The following CCDC192 variants were observed in gnomAD, a reference collection of about 807,000 sequenced individuals.
CCDC192 encodes the protein coiled-coil domain-containing protein 192.
In CCDC192 at chr5:127,734,089, A is replaced by G. The variant is rs1415423558; in HGVS notation, c.115-20179A>G. On this transcript the variant is annotated intron_variant, in intron 2 of 6. Coordinates refer to ENST00000514853, the MANE Select transcript of CCDC192 (RefSeq NM_001317938.2). ...TATCCCTCCTCCCTCCCCCCACCCC[A>G]CAACAGTCCCCAGAGTGTGATATTC... Among the ~76,000 whole-genome samples the G allele has an allele frequency of 2.1e-4, 16 of 75,870 alleles. 1 individual carries two copies. In the Admixed American group the frequency reaches 3.1e-3, roughly 15 times the overall value. The allele number at this position is 75,870 out of a possible 152,430, so 49.8% of individuals were successfully genotyped here.
chr5:127,848,862 T>C (rs1352063427), intron 5 of CCDC192, among the ~76,000 whole-genome samples: 2 of 152,194 alleles, frequency 1.3e-5, no homozygotes, highest in Non-Finnish European at 2.9e-5. Context: ...AAATTTTACA[T>C]TGAAGATAAA....
intron 5 of CCDC192, among the ~76,000 whole-genome samples, chr5:127,831,349 AGTG>A (rs1749785805): frequency 6.6e-6 from 1 of 151,616 alleles, no homozygotes; most frequent in African/African-American, 2.4e-5. Flanking sequence ...AATCTTCAAA[AGTG>A]TGTGTGTGTG....
intron 2 of CCDC192, among the ~76,000 whole-genome samples, chr5:127,750,874 T>C (rs1198182392): frequency 6.6e-6 from 1 of 151,462 alleles, no homozygotes; most frequent in East Asian, 1.9e-4. Context: ...TGTAATGGCC[T>C]TCTTTGTCTC....
chr5:127,876,916 C>T (rs1752105713), intron 6 of CCDC192, among the ~76,000 whole-genome samples: 1 of 152,104 alleles, frequency 6.6e-6, no homozygotes. Flanking sequence ...AATGAAACAA[C>T]ATAAAGGCAG....
intron 3 of CCDC192, among the ~76,000 whole-genome samples, chr5:127,755,599 TAAAC>T (rs1294018720): frequency 8.3e-6 from 1 of 120,192 alleles, no homozygotes; most frequent in African/African-American, 3.1e-5. Context: ...TTTTCTAAAA[TAAAC>T]AAAAACAAGC....
At chr5:127,937,886 T>C (rs2126333263) in intron 6 of CCDC192, among the ~76,000 whole-genome samples, 1 of 152,298 alleles carries the variant, frequency 6.6e-6, no homozygotes, top group East Asian at 1.9e-4. Context: ...TACAAATCCG[T>C]TGAAAATAAC....
intron 3 of CCDC192, among the ~76,000 whole-genome samples, chr5:127,782,228 TTAAGGATTTTAG>T (rs1382598110): frequency 6.6e-6 from 1 of 152,226 alleles, no homozygotes; most frequent in African/African-American, 2.4e-5. Context: ...TAGTATTTTG[TTAAGGATTTTAG>T]CATCTATGTT....
chr5:127,855,410 T>C (rs1751019678), intron 5 of CCDC192, among the ~76,000 whole-genome samples: 1 of 152,242 alleles, frequency 6.6e-6, no homozygotes, highest in Admixed American at 6.5e-5. Flanking sequence ...ATTCTACTTA[T>C]CTTACTACTT....
intron 5 of CCDC192, among the ~76,000 whole-genome samples, chr5:127,835,207 C>T (rs1402815176): frequency 1.3e-5 from 2 of 152,116 alleles, no homozygotes; most frequent in African/African-American, 4.8e-5. Context: ...TTTACATTCT[C>T]AAATAAATGT....
At chr5:127,918,338 G>C (rs1369605748) in intron 6 of CCDC192, among the ~76,000 whole-genome samples, 1 of 151,870 alleles carries the variant, frequency 6.6e-6, no homozygotes, top group South Asian at 2.1e-4. Flanking sequence ...TTCTATTTGA[G>C]AACAACTGAA....
At chr5:127,707,356 G>T (rs903745833) in intron 1 of CCDC192, among the ~76,000 whole-genome samples, 5 of 151,300 alleles carry the variant, frequency 3.3e-5, no homozygotes, top group Non-Finnish European at 7.4e-5. Context: ...AGGAGACAAA[G>T]AATTCTCCAC....
chr5:127,920,276 T>C (rs1310001986), intron 6 of CCDC192, among the ~76,000 whole-genome samples: 4 of 152,016 alleles, frequency 2.6e-5, no homozygotes, highest in Admixed American at 6.6e-5. Flanking sequence ...AATAGATAAA[T>C]AGAAAAAAAT....
At chr5:127,798,846 A>G (rs1475737619) in intron 5 of CCDC192, among the ~76,000 whole-genome samples, 2 of 152,036 alleles carry the variant, frequency 1.3e-5, no homozygotes, top group African/African-American at 4.8e-5. Flanking sequence ...CTCGCCTGAG[A>G]GAGACCCCAT....
intron 5 of CCDC192, among the ~76,000 whole-genome samples, chr5:127,814,194 A>G (rs1366526943): frequency 2.0e-5 from 3 of 152,238 alleles, no homozygotes; most frequent in Non-Finnish European, 4.4e-5. Context: ...GAGTGGGAGC[A>G]GGAACAATGT....
At chr5:127,763,779 A>T (rs1755060070) in intron 3 of CCDC192, among the ~76,000 whole-genome samples, 1 of 152,142 alleles carries the variant, frequency 6.6e-6, no homozygotes, top group African/African-American at 2.4e-5. Flanking sequence ...TTAGAGTCAA[A>T]TTATCATTAA....
chr5:127,886,902 A>T (rs1387218615), intron 6 of CCDC192, among the ~76,000 whole-genome samples: 5 of 152,204 alleles, frequency 3.3e-5, no homozygotes, highest in African/African-American at 1.2e-4. Context: ...AGAGAAATAG[A>T]TGTATGCTTC....
chr5:127,902,809 G>T (rs1479618716), intron 6 of CCDC192, among the ~76,000 whole-genome samples: 1 of 152,302 alleles, frequency 6.6e-6, no homozygotes, highest in East Asian at 1.9e-4. Flanking sequence ...AGCTTGTGAA[G>T]TACCCTAGTG....
Position 127,877,700 on chromosome 5 carries a change from C to A in CCDC192, c.535+2039C>A, listed in dbSNP as rs575709992. On this transcript the variant is annotated intron_variant, in intron 6 of 6. Transcript: ENST00000514853. The stretch of plus-strand genomic sequence containing the variant: ...CTGGTCACCTTGGCCTCTGAATTCA[C>A]TTCAGAATAAAGTGTGAAAAGATGT... Among the ~76,000 whole-genome samples, 123 of 152,268 alleles carry A rather than the reference C, an allele frequency of 8.1e-4. No homozygotes were observed. In the South Asian group the frequency reaches 0.012, roughly 15 times the overall value.
intron 5 of CCDC192, among the ~76,000 whole-genome samples, chr5:127,839,138 T>C (rs1750163697): frequency 6.6e-6 from 1 of 152,212 alleles, no homozygotes; most frequent in African/African-American, 2.4e-5. Context: ...AAAATAAGTA[T>C]AAACAGTTCT....
Sources: gnomAD v4.1 joint callset for allele counts (sites outside exome capture counted in the v4.1 genomes callset) on GRCh38, gnomAD v4.1.1 for gene constraint, MANE v1.5 for transcripts, NCBI Gene and HGNC (gene_info 2026-07-23, HGNC 2026-07-21) for gene names.